The following JAKMIP1 variants were observed in gnomAD, a reference collection of about 807,000 sequenced individuals.
JAKMIP1 encodes the protein janus kinase and microtubule-interacting protein 1.
A neutral mutation model predicts 113.0 loss-of-function variants in JAKMIP1; 33 were observed. That is an observed-to-expected ratio of 0.29 (90% CI 0.22 to 0.39). The LOEUF (loss-of-function observed/expected upper bound fraction) is 0.39. JAKMIP1 is among the 10% of genes least tolerant of loss of function. The probability of loss-of-function intolerance (pLI) is 1.00; values close to 1 mark genes in which losing one functional copy is unlikely to be tolerated. For synonymous variants in JAKMIP1, 480 were observed against 459.9 expected (o/e 1.04, Z -0.56); for missense variants, 813 against 1,080.5 (o/e 0.75, Z 3.47).
rs1723941075 is a variant in JAKMIP1, at chr4:6,168,563, T to C, written c.-148+31690A>G. 1.3e-5 allele frequency among the ~76,000 whole-genome samples: 2 copies of C among 152,182 alleles called. No individual in the cohort carries two copies. The highest frequency in any genetic ancestry group is 2.9e-5 in the Non-Finnish European group (2 of 68,038). On this transcript the variant is annotated intron_variant, in intron 1 of 20. Coordinates refer to ENST00000409021, the MANE Select transcript of JAKMIP1 (RefSeq NM_001099433.2). This position sits in a 1 kb window ranked among gnomAD's most constrained non-coding sequence, Gnocchi z 4.6. ...CAGTCACAAAATACCACAGATTGAA[T>C]ATTCCATTTAGATTAAATGTCTAGA...
rs1238462888 is a variant in JAKMIP1, at chr4:6,089,038, G to A, written c.625-3409C>T. 1.3e-5 allele frequency among the ~76,000 whole-genome samples: 2 copies of A among 152,218 alleles called. No individual in the cohort carries two copies. Among genetic ancestry groups the A allele is most frequent in the African/African-American group, 4.8e-5 (2 of 41,462 alleles). On this transcript the variant is annotated intron_variant, in intron 3 of 20. Transcript: ENST00000409021. This position sits in a 1 kb window ranked among gnomAD's most constrained non-coding sequence, Gnocchi z 5.3. The stretch of plus-strand genomic sequence containing the variant: ...CAATCAGAACCAATGGCCAGAAGTA[G>A]GCAGCACCAGGATCCTCCTGTTTTT...
chr4:6,053,597 T>C (rs192709201), intron 13 of JAKMIP1, among the ~76,000 whole-genome samples: 78 of 152,310 alleles, frequency 5.1e-4, no homozygotes, highest in Non-Finnish European at 1.0e-4. Flanking sequence ...GACTCTGCTA[T>C]TTCAAAAGGT....
In JAKMIP1 at chr4:6,135,581, T is replaced by G. The variant is rs780609943; in HGVS notation, c.-147-22584A>C. Among the ~76,000 whole-genome samples the G allele has an allele frequency of 3.9e-5, 6 of 152,038 alleles. No homozygotes were observed. The highest frequency in any genetic ancestry group is 2.4e-5 in the African/African-American group (1 of 41,386). ...TTCCCAGGTCCAGCCTGGCCTAGCCTTGATAAAAAAGCCATCGCATACACA... is the reference window on the plus strand; with the variant it reads ...TTCCCAGGTCCAGCCTGGCCTAGCCGTGATAAAAAAGCCATCGCATACACA... On this transcript the variant is annotated intron_variant, in intron 1 of 20. Transcript: ENST00000409021. The surrounding 1 kb of genome is among the most constrained non-coding windows in gnomAD (Gnocchi z 4.9).
chr4:6,060,460 G>T lies in JAKMIP1; in HGVS notation c.1608C>A (p.Ile536=). ...QADLLRCQAK[I]EDLEKLLVEK... ...CAACCAGTAACTTCTCCAAATCTTCGATTTTGGCCTGACACCTCAGCAGAT... is the reference window on the plus strand; with the variant it reads ...CAACCAGTAACTTCTCCAAATCTTCTATTTTGGCCTGACACCTCAGCAGAT... Residue 536 remains isoleucine, a synonymous_variant, in exon 11 of 21, where the codon ATC becomes ATA. Transcript: ENST00000409021. The T allele has an allele frequency of 6.2e-7, 1 of 1,614,028 alleles. No homozygotes were observed. The highest frequency in any genetic ancestry group is 2.2e-5 in the East Asian group (1 of 44,882).
chr4:6,111,182 C>T (rs1714875393), intron 2 of JAKMIP1, among the ~76,000 whole-genome samples: 1 of 152,190 alleles, frequency 6.6e-6, no homozygotes, highest in African/African-American at 2.4e-5. Flanking sequence ...TGGCCCAGCA[C>T]TCCATTGGCG....
In JAKMIP1 at chr4:6,142,879, C is replaced by A. The variant is rs987711071; in HGVS notation, c.-147-29882G>T. On this transcript the variant is annotated intron_variant, in intron 1 of 20. Transcript: ENST00000409021. The surrounding 1 kb of genome is among the most constrained non-coding windows in gnomAD (Gnocchi z 5.5). ...ACGGAGGATGGAAAGGTTTAAGGGA[C>A]ATGGCCGGCAATGACAAAGCCCAGC... 1.3e-5 allele frequency among the ~76,000 whole-genome samples: 2 copies of A among 152,198 alleles called. No homozygotes were observed. The highest frequency in any genetic ancestry group is 2.9e-5 in the Non-Finnish European group (2 of 68,024).
rs1471388687 is a variant in JAKMIP1, at chr4:6,086,144, T to G, written c.625-515A>C. Reference sequence around the variant, plus strand: ...GACAACGTTGTCCTCCCGCCCTGACTCCGTCACCCACTCCCAGACTCACGA... The same window carrying G: ...GACAACGTTGTCCTCCCGCCCTGACGCCGTCACCCACTCCCAGACTCACGA... On this transcript the variant is annotated intron_variant, in intron 3 of 20. Transcript: ENST00000409021. This position sits in a 1 kb window ranked among gnomAD's most constrained non-coding sequence, Gnocchi z 4.1. 6.6e-6 allele frequency among the ~76,000 whole-genome samples: 1 copy of G among 152,034 alleles called. No individual in the cohort carries two copies. Among genetic ancestry groups the G allele is most frequent in the Non-Finnish European group, 1.5e-5 (1 of 68,000 alleles).
rs950732441 is a variant in JAKMIP1, at chr4:6,088,492, G to A, written c.625-2863C>T. Among the ~76,000 whole-genome samples the A allele has an allele frequency of 1.3e-5, 2 of 152,154 alleles. No individual in the cohort carries two copies. The highest frequency in any genetic ancestry group is 3.9e-4 in the East Asian group (2 of 5,194). ...TCCAGGATCCCAAATTCTCCACCTG[G>A]AAGAGCACCAATTCCCCCTTGTCCT... On this transcript the variant is annotated intron_variant, in intron 3 of 20. Coordinates refer to ENST00000409021, the MANE Select transcript of JAKMIP1 (RefSeq NM_001099433.2). This position sits in a 1 kb window ranked among gnomAD's most constrained non-coding sequence, Gnocchi z 5.5.
rs190965612 is a variant in JAKMIP1, at chr4:6,031,351, A to G, written c.2380-1570T>C. ...AGAATTGCTTGAACCTGGGAGGTGG[A>G]GGTTGCGGTGAGCTGAGATCGCGCC... On this transcript the variant is annotated intron_variant, in intron 19 of 20. Transcript: ENST00000409021. The surrounding 1 kb of genome is among the most constrained non-coding windows in gnomAD (Gnocchi z 4.4). Among the ~76,000 whole-genome samples the G allele has an allele frequency of 6.6e-6, 1 of 152,046 alleles. No homozygotes were observed. Among genetic ancestry groups the G allele is most frequent in the African/African-American group, 2.4e-5 (1 of 41,384 alleles).
At chr4:6,053,720 G>A (rs1715969196) in intron 13 of JAKMIP1, 1 of 1,106,138 alleles carries the variant, frequency 9.0e-7, no homozygotes, top group African/African-American at 1.6e-5. Flanking sequence ...GAAAGAAGTA[G>A]TTATGGAAAT....
Position 6,181,322 on chromosome 4 carries a change from G to A in JAKMIP1, c.-148+18931C>T, listed in dbSNP as rs1192626948. Among the ~76,000 whole-genome samples the A allele has an allele frequency of 6.6e-6, 1 of 152,166 alleles. No individual in the cohort carries two copies. The highest frequency in any genetic ancestry group is 2.4e-5 in the African/African-American group (1 of 41,442). ...TCATGCTGAGAGAGGAAGAGACCAG[G>A]GGCTCGAAGAGTAACACTAATTACA... is the stretch of plus-strand genomic sequence containing the variant. On this transcript the variant is annotated intron_variant, in intron 1 of 20. Transcript: ENST00000409021. This position sits in a 1 kb window ranked among gnomAD's most constrained non-coding sequence, Gnocchi z 5.4.
chr4:6,064,085 A>G lies in JAKMIP1; in HGVS notation c.1431+795T>C, dbSNP rs1294370507. ...CAGGGGCCTGCATGGGAAGAGGCAG[A>G]AGAGCAAGGTAGGGAAACAGCAGCC... On this transcript the variant is annotated intron_variant, in intron 9 of 20. Transcript: ENST00000409021. The surrounding 1 kb of genome is among the most constrained non-coding windows in gnomAD (Gnocchi z 4.3). Among the ~76,000 whole-genome samples, 1 of 152,270 alleles carries G rather than the reference A, an allele frequency of 6.6e-6. No homozygotes were observed. The highest frequency in any genetic ancestry group is 1.5e-5 in the Non-Finnish European group (1 of 68,044).
chr4:6,152,187 A>C (rs1405365444), intron 1 of JAKMIP1, among the ~76,000 whole-genome samples: 1 of 152,134 alleles, frequency 6.6e-6, no homozygotes, highest in Non-Finnish European at 1.5e-5. Flanking sequence ...GGAGGAAGTC[A>C]AATCAACTCG....
At position 6,035,988 on chromosome 4, in the gene JAKMIP1, C is replaced by T. The variant is rs1465711425; in HGVS notation, c.2295G>A (p.Val765=). The T allele has an allele frequency of 1.3e-6, 2 of 1,551,656 alleles. No homozygotes were observed. Among genetic ancestry groups the T allele is most frequent in the South Asian group, 1.2e-5 (1 of 84,078 alleles). ...REDLQAAVEK[V]RRQILRQSRE... is the part of the protein sequence containing the mutation. ...GGCTCTGCCTGAGGATCTGCCTGCG[C>T]ACCTTTTCCACAGCAGCCTGCAGGT... The change falls in exon 19 of 21, where the codon GTG becomes GTA. Residue 765 remains valine, a synonymous_variant. Transcript: ENST00000409021.
rs144452360 is a variant in JAKMIP1, at chr4:6,186,524, C to T, written c.-148+13729G>A. On this transcript the variant is annotated intron_variant, in intron 1 of 20. Coordinates refer to ENST00000409021, the MANE Select transcript of JAKMIP1 (RefSeq NM_001099433.2). This position sits in a 1 kb window ranked among gnomAD's most constrained non-coding sequence, Gnocchi z 5.5. ...ACTTCATTGCATTGTAGTCACAGAA[C>T]GTGCTTTGCTTTTTTGTTTGCTTGT... Among the ~76,000 whole-genome samples the T allele has an allele frequency of 9.9e-3, 1,513 of 152,276 alleles. 14 individuals are homozygous for T. The highest frequency in any genetic ancestry group is 0.038 in the Middle Eastern group (11 of 292).
intron 11 of JAKMIP1, among the ~76,000 whole-genome samples, chr4:6,058,805 G>A (rs1716838861): frequency 6.6e-6 from 1 of 152,216 alleles, no homozygotes; most frequent in Non-Finnish European, 1.5e-5. Context: ...CAAGGAATAA[G>A]CATTTACTTA....
chr4:6,155,852 C>T lies in JAKMIP1; in HGVS notation c.-147-42855G>A, dbSNP rs888613368. Among the ~76,000 whole-genome samples, 2 of 152,138 alleles carry T rather than the reference C, an allele frequency of 1.3e-5. No homozygotes were observed. Among genetic ancestry groups the T allele is most frequent in the African/African-American group, 4.8e-5 (2 of 41,408 alleles). ...CAGCCTTCCTGGGTCCTGCCCTAGACCTCATGAATGGCACTCTCTAGAGGT... is the reference window on the plus strand; with the variant it reads ...CAGCCTTCCTGGGTCCTGCCCTAGATCTCATGAATGGCACTCTCTAGAGGT... On this transcript the variant is annotated intron_variant, in intron 1 of 20. Transcript: ENST00000409021. This position sits in a 1 kb window ranked among gnomAD's most constrained non-coding sequence, Gnocchi z 6.1.
chr4:6,043,427 C>A, intron 16 of JAKMIP1, among the ~76,000 whole-genome samples: 1 of 152,018 alleles, frequency 6.6e-6, no homozygotes, highest in East Asian at 1.9e-4. Flanking sequence ...TCGGCCTTCT[C>A]CACCTTACTC....
At chr4:6,112,649 CAT>C (rs2108889789) in intron 2 of JAKMIP1, 71 bp downstream of exon 2, 1 of 1,550,282 alleles carries the variant, frequency 6.5e-7, no homozygotes, top group African/African-American at 1.3e-5. Context: ...TCTTCACACA[CAT>C]GCCTCAGAGG....
Sources: gnomAD v4.1 joint callset for allele counts (sites outside exome capture counted in the v4.1 genomes callset) on GRCh38, gnomAD v4.1.1 for gene constraint, Gnocchi (gnomAD v3.1) non-coding constraint, MANE v1.5 for transcripts, NCBI Gene and HGNC (gene_info 2026-07-23, HGNC 2026-07-21) for gene names.